ELP4: variants seen among roughly 807,000 people sequenced by gnomAD.
ELP4 encodes elongator acetyltransferase complex subunit 4.
A neutral mutation model predicts 48.9 loss-of-function variants in ELP4; 51 were observed. The observed-to-expected ratio is 1.04, with a 90% CI of 0.83 to 1.32. The LOEUF (loss-of-function observed/expected upper bound fraction) is 1.32. ELP4 is among the 40% of genes most tolerant of loss of function. ELP4 has a pLI of 0.00. For synonymous variants in ELP4, 210 were observed against 189.2 expected (o/e 1.11, Z -0.90); for missense variants, 519 against 514.6 (o/e 1.01, Z -0.08).
intron 9 of ELP4, among the ~76,000 whole-genome samples, chr11:31,683,345 T>C (rs942046164): frequency 1.2e-4 from 18 of 152,278 alleles, no homozygotes; most frequent in African/African-American, 4.3e-4. Flanking sequence ...TTGAAAAATT[T>C]TCTAGTTTAT....
chr11:31,634,065 T>A (rs144829164), intron 7 of ELP4: 2 of 152,074 alleles, frequency 1.3e-5, no homozygotes, highest in African/African-American at 4.8e-5. Flanking sequence ...GTTAAATGAT[T>A]ATCCAATATC....
chr11:31,522,556 A>C (rs1198065087), intron 2 of ELP4, among the ~76,000 whole-genome samples: 1 of 152,198 alleles, frequency 6.6e-6, no homozygotes, highest in Non-Finnish European at 1.5e-5. Context: ...CTACTGAAAA[A>C]TTTAAATTAA....
At chr11:31,594,125 G>A (rs902230921) in intron 3 of ELP4, among the ~76,000 whole-genome samples, 2 of 151,962 alleles carry the variant, frequency 1.3e-5, no homozygotes, top group African/African-American at 2.4e-5. Context: ...CTATAGTACC[G>A]CTTAACAAAC....
chr11:31,716,974 C>A (rs1204114091), intron 9 of ELP4, among the ~76,000 whole-genome samples: 4 of 152,020 alleles, frequency 2.6e-5, no homozygotes. Flanking sequence ...ATTCTATTGA[C>A]CAGTGAGAAG....
chr11:31,617,749 CA>C (rs1944524234), intron 5 of ELP4, among the ~76,000 whole-genome samples: 1 of 143,872 alleles, frequency 7.0e-6, no homozygotes, highest in African/African-American at 2.5e-5. Flanking sequence ...AAAAACACCC[CA>C]AAAGCAAAAA....
chr11:31,601,937 G>A (rs1957791966), intron 4 of ELP4, among the ~76,000 whole-genome samples: 1 of 151,952 alleles, frequency 6.6e-6, no homozygotes, highest in Admixed American at 6.6e-5. Flanking sequence ...TAGGCACTCT[G>A]CTTATTCTTT....
At chr11:31,514,929 G>A (rs564091198) in intron 1 of ELP4, among the ~76,000 whole-genome samples, 3 of 151,590 alleles carry the variant, frequency 2.0e-5, no homozygotes, top group South Asian at 4.2e-4. Context: ...AAGGTATCTT[G>A]TGGAAATGTT....
chr11:31,783,148 A>C (rs548692825), intron 9 of ELP4, among the ~76,000 whole-genome samples: 2 of 152,334 alleles, frequency 1.3e-5, no homozygotes, highest in South Asian at 2.1e-4. Flanking sequence ...TTGGACACTG[A>C]AAATGTTCCA....
chr11:31,790,207 T>C lies in ELP4; in HGVS notation c.*6683T>C. 1.7e-6 allele frequency: 1 copy of C among 602,220 alleles called. No individual in the cohort carries two copies. Among genetic ancestry groups the C allele is most frequent in the East Asian group, 2.9e-5 (1 of 34,420 alleles). The allele number at this position is 602,220 out of a possible 1,614,324, so 37.3% of individuals were successfully genotyped here. ...GCACCTTCAGAAACTAGACAATATATGTATATATACCTATTGGATCCCAAG... is the reference window on the plus strand; with the variant it reads ...GCACCTTCAGAAACTAGACAATATACGTATATATACCTATTGGATCCCAAG... On this transcript the variant is annotated 3_prime_UTR_variant, in exon 10 of 10. Transcript: ENST00000640961.
intron 2 of ELP4, among the ~76,000 whole-genome samples, chr11:31,526,814 G>T (rs1259977768): frequency 1.3e-4 from 19 of 151,622 alleles, no homozygotes. Context: ...CACTATATTA[G>T]TTATTTTCAA....
chr11:31,656,819 A>G (rs1248537674), intron 9 of ELP4, among the ~76,000 whole-genome samples: 1 of 152,002 alleles, frequency 6.6e-6, no homozygotes, highest in Non-Finnish European at 1.5e-5. Flanking sequence ...AAACATTTAT[A>G]TATGTGTTTT....
At chr11:31,632,152 A>G (rs1457547307) in intron 6 of ELP4, 65 bp from the exon 7 acceptor site, 8 of 1,341,232 alleles carry the variant, frequency 6.0e-6, no homozygotes, top group East Asian at 2.4e-5. Flanking sequence ...GAACTGACAG[A>G]TAAAAGTGGT....
At chr11:31,590,262 T>C (rs1231502159) in intron 3 of ELP4, among the ~76,000 whole-genome samples, 1 of 152,172 alleles carries the variant, frequency 6.6e-6, no homozygotes, top group Admixed American at 6.5e-5. Flanking sequence ...ATATGTACTC[T>C]TGTTATTGTT....
At chr11:31,741,266 G>T (rs1460933929) in intron 9 of ELP4, among the ~76,000 whole-genome samples, 1 of 152,312 alleles carries the variant, frequency 6.6e-6, no homozygotes, top group Non-Finnish European at 1.5e-5. Flanking sequence ...ACTGGGTGGA[G>T]CCCACCAGAG....
At chr11:31,575,388 T>C (rs562832041) in intron 3 of ELP4, among the ~76,000 whole-genome samples, 63 of 152,236 alleles carry the variant, frequency 4.1e-4, no homozygotes, top group African/African-American at 1.5e-3. Context: ...CCAGGAGAAC[T>C]TCCCCAATCT....
At chr11:31,611,740 A>G (rs1438345909) in intron 5 of ELP4, among the ~76,000 whole-genome samples, 2 of 152,246 alleles carry the variant, frequency 1.3e-5, no homozygotes, top group African/African-American at 2.4e-5. Context: ...GCAGACGTTA[A>G]CCTTGCCATT....
chr11:31,545,908 A>T (rs1261647787), intron 3 of ELP4, among the ~76,000 whole-genome samples: 1 of 152,192 alleles, frequency 6.6e-6, no homozygotes, highest in Non-Finnish European at 1.5e-5. Context: ...AAGGAGAAAT[A>T]AAATCCTTTA....
intron 3 of ELP4, among the ~76,000 whole-genome samples, chr11:31,548,281 G>A (rs1225758609): frequency 6.6e-6 from 1 of 152,176 alleles, no homozygotes; most frequent in Non-Finnish European, 1.5e-5. Flanking sequence ...AGCAACTTCA[G>A]CAAAGTCTCA....
At chr11:31,693,121 T>C (rs1397801082) in intron 9 of ELP4, among the ~76,000 whole-genome samples, 1 of 151,896 alleles carries the variant, frequency 6.6e-6, no homozygotes, top group East Asian at 1.9e-4. Context: ...CCCAAAGGAG[T>C]AACGTGCTGA....
Sources: gnomAD v4.1 joint callset for allele counts (sites outside exome capture counted in the v4.1 genomes callset) on GRCh38, gnomAD v4.1.1 for gene constraint, MANE v1.5 for transcripts, NCBI Gene and HGNC (gene_info 2026-07-23, HGNC 2026-07-21) for gene names.